Variants in TNR observed in about 807,000 individuals in gnomAD.
The protein encoded by TNR is tenascin R.
TNR carries 45 observed loss-of-function variants against 150.4 expected under a neutral mutation model. That is an observed-to-expected ratio of 0.30 (90% CI 0.24 to 0.38). The LOEUF is 0.38. TNR is among the 10% of genes least tolerant of loss of function. The probability of loss-of-function intolerance (pLI) is 1.00; values close to 1 mark genes in which losing one functional copy is unlikely to be tolerated. For synonymous variants in TNR, 687 were observed against 678.4 expected (o/e 1.01, Z -0.20); for missense variants, 1,544 against 1,759.1 (o/e 0.88, Z 2.19).
intron 1 of TNR, among the ~76,000 whole-genome samples, chr1:175,625,955 G>A (rs56356398): frequency 7.1e-6 from 1 of 139,870 alleles, no homozygotes; most frequent in African/African-American, 2.9e-5. Flanking sequence ...CCCAAGTGTT[G>A]TGGGAGGGAC....
chr1:175,377,326 T>C (rs1159062346), intron 9 of TNR, among the ~76,000 whole-genome samples: 1 of 152,226 alleles, frequency 6.6e-6, no homozygotes, highest in Non-Finnish European at 1.5e-5. Context: ...ATCTCTCTCA[T>C]GATGTCATGG....
chr1:175,723,575 C>G (rs1667398713), intron 1 of TNR, among the ~76,000 whole-genome samples: 1 of 152,134 alleles, frequency 6.6e-6, no homozygotes, highest in African/African-American at 2.4e-5. Context: ...TATTTCTAAA[C>G]TGATAAATTT....
chr1:175,584,871 T>C (rs1026519453), intron 1 of TNR, among the ~76,000 whole-genome samples: 1 of 152,254 alleles, frequency 6.6e-6, no homozygotes, highest in Non-Finnish European at 1.5e-5. Flanking sequence ...ATATTAAGTG[T>C]AAATGAACTT....
intron 18 of TNR, among the ~76,000 whole-genome samples, chr1:175,350,307 A>C (rs543499486): frequency 6.6e-6 from 1 of 152,358 alleles, no homozygotes; most frequent in East Asian, 1.9e-4. Context: ...AGGTCAAGAC[A>C]ACCTATTTTA....
At chr1:175,545,882 G>A (rs1359310815) in intron 1 of TNR, among the ~76,000 whole-genome samples, 1 of 152,234 alleles carries the variant, frequency 6.6e-6, no homozygotes, top group African/African-American at 2.4e-5. Flanking sequence ...GCATGGCCTG[G>A]GAAGAGGATA....
chr1:175,524,976 A>G (rs1468354125), intron 2 of TNR, among the ~76,000 whole-genome samples: 1 of 152,152 alleles, frequency 6.6e-6, no homozygotes, highest in African/African-American at 2.4e-5. Flanking sequence ...CCATAGTGAT[A>G]TGGTTTGGCT....
rs559867089 is a variant in TNR at position 175,471,941 on chromosome 1, A to AT, written c.-64+56327dup. ...TTTCTTAAGCTTTTTTCTATTTCTA[A>AT]TTTTTTTTTTTACTTTTTGAACTTT... On this transcript the variant is annotated intron_variant, in intron 2 of 22. Coordinates refer to ENST00000367674, the MANE Select transcript of TNR (RefSeq NM_003285.3). Among the ~76,000 whole-genome samples, 57 of 148,242 alleles carry AT rather than the reference A, an allele frequency of 3.8e-4. 1 individual carries two copies. Among genetic ancestry groups the AT allele is most frequent in the South Asian group, 1.1e-3 (5 of 4,700 alleles).
rs756659204 is a variant in TNR, at chr1:175,323,103, C to T, written c.*254G>A. ...GGCCCTTTAAGAAAACTTCCTACTT[C>T]TCCTCCTTGGTGGGAAAGGAGGTGA... On this transcript the variant is annotated 3_prime_UTR_variant, in exon 23 of 23. Coordinates refer to ENST00000367674, the MANE Select transcript of TNR (RefSeq NM_003285.3). 2 of 376,256 alleles carry T rather than the reference C, an allele frequency of 5.3e-6. No homozygotes were observed. The highest frequency in any genetic ancestry group is 9.5e-6 in the Non-Finnish European group (2 of 210,636). The allele number at this position is 376,256 out of a possible 1,614,324, so 23.3% of individuals were successfully genotyped here.
intron 2 of TNR, among the ~76,000 whole-genome samples, chr1:175,522,718 C>T (rs756816778): frequency 1.3e-5 from 2 of 148,354 alleles, no homozygotes; most frequent in Non-Finnish European, 2.9e-5. Context: ...TAAAAAGATG[C>T]CCCCCCACAA....
intron 18 of TNR, among the ~76,000 whole-genome samples, chr1:175,344,806 T>C (rs1216594850): frequency 6.6e-6 from 1 of 152,192 alleles, no homozygotes; most frequent in Non-Finnish European, 1.5e-5. Context: ...TTTTATATAC[T>C]CTTTTCCAGG....
At chr1:175,407,471 C>G (rs1654017613) in intron 2 of TNR, among the ~76,000 whole-genome samples, 1 of 152,258 alleles carries the variant, frequency 6.6e-6, no homozygotes. Flanking sequence ...AATGAATTAG[C>G]TCCTCTGCTG....
intron 1 of TNR, among the ~76,000 whole-genome samples, chr1:175,629,670 A>G (rs959660800): frequency 4.6e-5 from 7 of 152,160 alleles, no homozygotes; most frequent in Admixed American, 1.3e-4. Context: ...CAGAGTCAGT[A>G]CTGAGAGATC....
intron 1 of TNR, among the ~76,000 whole-genome samples, chr1:175,705,485 T>C (rs1254104096): frequency 2.0e-5 from 3 of 152,156 alleles, no homozygotes; most frequent in African/African-American, 7.2e-5. Context: ...AGATATGGTT[T>C]ATGAGCCTTT....
intron 1 of TNR, among the ~76,000 whole-genome samples, chr1:175,654,719 C>T (rs111406507): frequency 3.2e-4 from 24 of 74,744 alleles, no homozygotes; most frequent in African/African-American, 1.3e-3. Flanking sequence ...AAGTTCCCTT[C>T]TTTTTTTTTT....
At chr1:175,547,593 GAAAGAAAGAAAGAAAGAAACAAAGAAAC>G (rs1440053928) in intron 1 of TNR, among the ~76,000 whole-genome samples, 863 of 26,472 alleles carry the variant, frequency 0.033, 11 homozygotes, top group Admixed American at 0.064. Flanking sequence ...AAGAAAGAAA[GAAAGAAAGAAAGAAAGAAACAAAGAAAC>G]AAAGAAAGAA....
At chr1:175,640,909 C>G (rs1664637882) in intron 1 of TNR, among the ~76,000 whole-genome samples, 1 of 151,852 alleles carries the variant, frequency 6.6e-6, no homozygotes, top group African/African-American at 2.4e-5. Context: ...AATAGAAGTG[C>G]CTTGTATGAG....
intron 1 of TNR, among the ~76,000 whole-genome samples, chr1:175,726,000 T>C (rs1667466682): frequency 6.6e-6 from 1 of 152,196 alleles, no homozygotes; most frequent in Non-Finnish European, 1.5e-5. Context: ...AAAACTGCAA[T>C]GAGAAAAAAG....
intron 1 of TNR, among the ~76,000 whole-genome samples, chr1:175,673,108 G>A (rs1423394233): frequency 6.6e-6 from 1 of 152,160 alleles, no homozygotes; most frequent in East Asian, 1.9e-4. Context: ...CTAAAATCTG[G>A]TTTGAGCTTA....
chr1:175,403,120 C>T lies in TNR; in HGVS notation c.976+20G>A. ...GCTGGACCACCCTTGCCAAACACCC[C>T]AGAGAGTTCCCCTGCCTACCTGCTG... On this transcript the variant is annotated intron_variant, in intron 4 of 22. Transcript: ENST00000367674. The T allele has an allele frequency of 6.3e-7, 1 of 1,595,872 alleles. No individual in the cohort carries two copies. Among genetic ancestry groups the T allele is most frequent in the Non-Finnish European group, 8.6e-7 (1 of 1,167,128 alleles).
Sources: gnomAD v4.1 joint callset for allele counts (sites outside exome capture counted in the v4.1 genomes callset) on GRCh38, gnomAD v4.1.1 for gene constraint, MANE v1.5 for transcripts, NCBI Gene and HGNC (gene_info 2026-07-23, HGNC 2026-07-21) for gene names.